The following RAD51B variants were observed in gnomAD, a reference collection of about 807,000 sequenced individuals.
The protein encoded by RAD51B is DNA repair protein RAD51 homolog 2.
Under a neutral mutation model 42.2 loss-of-function variants are expected in RAD51B, and 38 were observed. The observed-to-expected ratio is 0.90, with a 90% CI of 0.70 to 1.18. The LOEUF is 1.18. Ranked by LOEUF, RAD51B falls within the 50% of genes most tolerant of loss-of-function variation. The pLI is 0.00. For missense variants in RAD51B, 373 were observed against 400.7 expected (o/e 0.93, Z 0.59); for synonymous variants, 154 against 145.2 (o/e 1.06, Z -0.43).
chr14:68,375,944 T>A (rs1410342011), intron 8 of RAD51B, among the ~76,000 whole-genome samples: 1 of 151,990 alleles, frequency 6.6e-6, no homozygotes, highest in Non-Finnish European at 1.5e-5. Context: ...TCTGGAATAT[T>A]GATAATATTC....
At chr14:67,955,875 T>A (rs935436286) in intron 7 of RAD51B, among the ~76,000 whole-genome samples, 2 of 152,104 alleles carry the variant, frequency 1.3e-5, no homozygotes, top group African/African-American at 4.8e-5. Flanking sequence ...CAGATGAAGA[T>A]GGGATTGGGG....
chr14:68,328,258 G>A lies in RAD51B; in HGVS notation c.853+36278G>A, dbSNP rs73272283. Among the ~76,000 whole-genome samples the A allele has an allele frequency of 1.6e-3, 243 of 152,184 alleles. 1 individual carries two copies. Among genetic ancestry groups the A allele is most frequent in the Middle Eastern group, 3.4e-3 (1 of 294 alleles). ...ACAATTTCTCTAATTCTTAGGTTTT[G>A]CTCCCTGAAATTACACAGAAAGTAC... is the stretch of plus-strand genomic sequence containing the variant. On this transcript the variant is annotated intron_variant, in intron 8 of 10. Coordinates refer to ENST00000471583, the MANE Select transcript of RAD51B (RefSeq NM_133510.4).
At position 67,823,675 on chromosome 14, in the gene RAD51B, A is replaced by G. The variant is rs1430967559; in HGVS notation, c.84+48A>G. On this transcript the variant is annotated intron_variant, in intron 2 of 10. Coordinates refer to ENST00000471583, the MANE Select transcript of RAD51B (RefSeq NM_133510.4). ...ATTGATAAGTTTTATGCACAAGTTA[A>G]CTTTATACCTTAATACCTCTTAAAC... 5.0e-6 allele frequency: 7 copies of G among 1,397,740 alleles called. No individual in the cohort carries two copies. The South Asian group carries it at 8.5e-5, about 17-fold the overall frequency. 86.6% of individuals were successfully genotyped at this position (1,397,740 alleles called of 1,614,324 possible). A position where few individuals can be genotyped will look rare whatever the true frequency, so the allele number is the denominator to read the frequency against.
intron 10 of RAD51B, among the ~76,000 whole-genome samples, chr14:68,604,978 G>T (rs904426331): frequency 2.6e-5 from 4 of 152,040 alleles, no homozygotes; most frequent in African/African-American, 7.3e-5. Flanking sequence ...ATAACTGCTG[G>T]CATCAAGCCA....
At chr14:67,820,740 G>C (rs1253655328) in intron 1 of RAD51B, among the ~76,000 whole-genome samples, 3 of 152,158 alleles carry the variant, frequency 2.0e-5, no homozygotes, top group African/African-American at 7.2e-5. Flanking sequence ...CATGTGGCTG[G>C]AGGGCAGATC....
intron 10 of RAD51B, chr14:68,541,005 T>G: frequency 1.0e-6 from 1 of 985,446 alleles, no homozygotes; most frequent in Non-Finnish European, 1.2e-6. Flanking sequence ...TATCATTTGT[T>G]TTTGTTTTCA....
intron 7 of RAD51B, among the ~76,000 whole-genome samples, chr14:68,000,726 G>A (rs1012000963): frequency 3.3e-5 from 5 of 152,122 alleles, no homozygotes; most frequent in African/African-American, 7.2e-5. Flanking sequence ...AAGCCTCATG[G>A]AGAAGGGCTA....
chr14:67,977,737 G>C (rs2075022074), intron 7 of RAD51B, among the ~76,000 whole-genome samples: 1 of 152,190 alleles, frequency 6.6e-6, no homozygotes, highest in African/African-American at 2.4e-5. Context: ...CAATCAAAAT[G>C]TAAGTACACC....
At chr14:68,176,360 C>G (rs2078962427) in intron 7 of RAD51B, among the ~76,000 whole-genome samples, 1 of 152,144 alleles carries the variant, frequency 6.6e-6, no homozygotes, top group South Asian at 2.1e-4. Context: ...AATTCCAAAA[C>G]CTGTACTCTT....
At position 68,456,869 on chromosome 14, in the gene RAD51B, A is replaced by ATTTTTTTTTTTTTTTTTTTT. The variant is rs71129889; in HGVS notation, c.958-11270_958-11251dup. Among the ~76,000 whole-genome samples, 5 of 66,460 alleles carry ATTTTTTTTTTTTTTTTTTTT rather than the reference A, an allele frequency of 7.5e-5. 2 individuals are homozygous for ATTTTTTTTTTTTTTTTTTTT. Among genetic ancestry groups the ATTTTTTTTTTTTTTTTTTTT allele is most frequent in the Non-Finnish European group, 1.5e-4 (5 of 32,922 alleles). 43.6% of individuals were successfully genotyped at this position (66,460 alleles called of 152,430 possible). On this transcript the variant is annotated intron_variant, in intron 9 of 10. Coordinates refer to ENST00000471583, the MANE Select transcript of RAD51B (RefSeq NM_133510.4). Reference sequence around the variant, plus strand: ...AAACTTCTCCAATCACAATGGAATGATTTTTTTTTTTTTTTTTTTTTTTTT... The same window carrying ATTTTTTTTTTTTTTTTTTTT: ...AAACTTCTCCAATCACAATGGAATGATTTTTTTTTTTTTTTTTTTTTTTTTTTTTTTTTTTTTTTTTTTTT...
chr14:68,539,083 T>C (rs1432498679), intron 10 of RAD51B, among the ~76,000 whole-genome samples: 1 of 152,204 alleles, frequency 6.6e-6, no homozygotes. Flanking sequence ...ATGCCTATAA[T>C]TTTGCCATCT....
At chr14:68,301,592 G>GTTTTTTTTTTTTTTTTTTT (rs139865933) in intron 8 of RAD51B, among the ~76,000 whole-genome samples, 3 of 109,752 alleles carry the variant, frequency 2.7e-5, no homozygotes, top group African/African-American at 6.6e-5. Flanking sequence ...TTGTTTGTGT[G>GTTTTTTTTTTTTTTTTTTT]TTTTTTTTTT....
At chr14:68,344,966 A>C (rs1036587193) in intron 8 of RAD51B, among the ~76,000 whole-genome samples, 4 of 151,484 alleles carry the variant, frequency 2.6e-5, no homozygotes, top group African/African-American at 9.7e-5. Flanking sequence ...AAAAAAAAAA[A>C]ACAACATTTA....
chr14:68,193,680 G>A (rs984077240), intron 7 of RAD51B, among the ~76,000 whole-genome samples: 1 of 152,138 alleles, frequency 6.6e-6, no homozygotes, highest in Admixed American at 6.5e-5. Flanking sequence ...CAAAATTTAA[G>A]GTGAACAGTG....
At chr14:67,966,548 C>T (rs1566982667) in intron 7 of RAD51B, among the ~76,000 whole-genome samples, 1 of 152,174 alleles carries the variant, frequency 6.6e-6, no homozygotes. Context: ...ATCCCCAATC[C>T]CAGCTGCCTA....
chr14:67,921,750 C>G lies in RAD51B; in HGVS notation c.756+34546C>G, dbSNP rs2044334287. Among the ~76,000 whole-genome samples the G allele has an allele frequency of 3.9e-5, 6 of 152,266 alleles. No homozygotes were observed. The South Asian group carries it at 1.2e-3, about 32-fold the overall frequency. ...AAAAAACAAAAATCCCAGTTCCCAACTGGTGCCACTCTCTCTGTGGAATTT... is the reference window on the plus strand; with the variant it reads ...AAAAAACAAAAATCCCAGTTCCCAAGTGGTGCCACTCTCTCTGTGGAATTT... On this transcript the variant is annotated intron_variant, in intron 7 of 10. Coordinates refer to ENST00000471583, the MANE Select transcript of RAD51B (RefSeq NM_133510.4).
At chr14:68,015,066 T>G (rs1271311623) in intron 7 of RAD51B, among the ~76,000 whole-genome samples, 3 of 152,158 alleles carry the variant, frequency 2.0e-5, no homozygotes, top group Non-Finnish European at 4.4e-5. Context: ...CTTGGTCCAG[T>G]TACTTAAAAC....
chr14:67,885,256 T>A (rs1296387394), intron 5 of RAD51B, among the ~76,000 whole-genome samples: 1 of 152,210 alleles, frequency 6.6e-6, no homozygotes. Flanking sequence ...AACTTGTCAC[T>A]CTCTTGTGTT....
At chr14:67,983,689 T>A (rs541286078) in intron 7 of RAD51B, among the ~76,000 whole-genome samples, 40 of 152,258 alleles carry the variant, frequency 2.6e-4, no homozygotes, top group Middle Eastern at 3.4e-3. Context: ...AATAGTCTAG[T>A]TTTTGTTTTT....
Sources: allele counts gnomAD v4.1 joint callset (sites outside exome capture counted in the v4.1 genomes callset), GRCh38; gene constraint gnomAD v4.1.1; transcripts MANE v1.5; gene names NCBI Gene and HGNC (gene_info 2026-07-23, HGNC 2026-07-21).